The following SYT14 variants were observed in gnomAD, a reference collection of about 807,000 sequenced individuals.
SYT14 encodes the protein synaptotagmin-14.
Under a neutral mutation model 74.2 loss-of-function variants are expected in SYT14, and 32 were observed. That is an observed-to-expected ratio of 0.43 (90% CI 0.33 to 0.58). SYT14 has a LOEUF of 0.58. SYT14 is among the 20% of genes least tolerant of loss of function. The pLI, the probability that SYT14 is intolerant of heterozygous loss-of-function variation, is 0.05. For synonymous variants in SYT14, 298 were observed against 337.7 expected (o/e 0.88, Z 1.29); for missense variants, 791 against 981.8 (o/e 0.81, Z 2.60).
At chr1:209,944,121 A>C (rs919248373) in intron 1 of SYT14, among the ~76,000 whole-genome samples, 13 of 152,214 alleles carry the variant, frequency 8.5e-5, no homozygotes, top group Non-Finnish European at 1.9e-4. Context: ...ATATTAAATT[A>C]TCTTCAGTAT....
At chr1:210,129,367 C>T (rs533583396) in intron 7 of SYT14, among the ~76,000 whole-genome samples, 12 of 152,298 alleles carry the variant, frequency 7.9e-5, no homozygotes, top group African/African-American at 2.9e-4. Context: ...CTTGAAACTC[C>T]TTGTGTCTCA....
intron 4 of SYT14, among the ~76,000 whole-genome samples, chr1:210,018,656 C>G (rs1354231348): frequency 6.6e-6 from 1 of 152,112 alleles, no homozygotes; most frequent in African/African-American, 2.4e-5. Context: ...AAGAAGCATG[C>G]TAGTACCTAA....
At chr1:210,084,024 A>C (rs866382841) in intron 5 of SYT14, among the ~76,000 whole-genome samples, 7 of 152,112 alleles carry the variant, frequency 4.6e-5, no homozygotes, top group Non-Finnish European at 1.0e-4. Context: ...ATTTTTGAAA[A>C]TCTATAGGCC....
chr1:209,982,468 G>T (rs562963668), intron 2 of SYT14, among the ~76,000 whole-genome samples: 1 of 152,158 alleles, frequency 6.6e-6, no homozygotes, highest in African/African-American at 2.4e-5. Context: ...CTTTGCTTTT[G>T]TGTGACTGGG....
At chr1:210,160,905 A>G in exon 10 of SYT14, 1 of 1,614,026 alleles carries the variant, frequency 6.2e-7, no homozygotes, top group Non-Finnish European at 8.5e-7. Context: ...CAAACGCAGC[A>G]TGAAAAGAAA....
At chr1:210,035,799 G>T (rs2080647993) in intron 5 of SYT14, among the ~76,000 whole-genome samples, 1 of 151,934 alleles carries the variant, frequency 6.6e-6, no homozygotes, top group African/African-American at 2.4e-5. Flanking sequence ...TGCTGTTTTG[G>T]TTATTATAGC....
chr1:210,028,987 T>C (rs1021380503), intron 5 of SYT14, among the ~76,000 whole-genome samples: 1 of 152,204 alleles, frequency 6.6e-6, no homozygotes, highest in Non-Finnish European at 1.5e-5. Flanking sequence ...TGAGGTGATA[T>C]CTTACTGTAG....
rs1299333837 is a variant in SYT14 at position 210,140,756 on chromosome 1, TC to T, written c.2035-14964del. On this transcript the variant is annotated intron_variant, in intron 7 of 9. Transcript: ENST00000637265. ...GTCCCAACAATTTGTTGAAAAAAAA[TC>T]TTTTTTTCATTTATTTGTGTTGGCA... Among the ~76,000 whole-genome samples the T allele has an allele frequency of 1.6e-4, 25 of 152,180 alleles. 1 individual carries two copies. The East Asian group carries it at 4.6e-3, about 28-fold the overall frequency.
At chr1:210,046,759 C>T (rs1377669516) in intron 5 of SYT14, among the ~76,000 whole-genome samples, 1 of 152,156 alleles carries the variant, frequency 6.6e-6, no homozygotes, top group Non-Finnish European at 1.5e-5. Context: ...ATCCACTTAA[C>T]CACTGATGAA....
At chr1:209,962,887 TTTC>T (rs1183501988) in intron 2 of SYT14, among the ~76,000 whole-genome samples, 2 of 152,080 alleles carry the variant, frequency 1.3e-5, no homozygotes, top group African/African-American at 4.8e-5. Flanking sequence ...AAAGTGTCAT[TTTC>T]TTCTTCCCTT....
intron 2 of SYT14, among the ~76,000 whole-genome samples, chr1:209,969,738 C>A (rs1470682889): frequency 6.6e-6 from 1 of 152,074 alleles, no homozygotes; most frequent in East Asian, 1.9e-4. Context: ...CTTGGCCTCC[C>A]AAAGTACTGG....
chr1:210,040,681 C>T (rs1483428934), intron 5 of SYT14, among the ~76,000 whole-genome samples: 2 of 152,036 alleles, frequency 1.3e-5, no homozygotes, highest in African/African-American at 4.8e-5. Flanking sequence ...AGAATTAATT[C>T]TATGTCTTTA....
At chr1:210,084,967 T>C (rs2081692979) in intron 5 of SYT14, among the ~76,000 whole-genome samples, 1 of 152,242 alleles carries the variant, frequency 6.6e-6, no homozygotes, top group African/African-American at 2.4e-5. Flanking sequence ...GCCGTGTTAC[T>C]GGAGAAAGGA....
intron 7 of SYT14, among the ~76,000 whole-genome samples, chr1:210,144,870 A>T (rs2082997742): frequency 6.6e-6 from 1 of 152,180 alleles, no homozygotes; most frequent in Non-Finnish European, 1.5e-5. Context: ...TGACCAATTT[A>T]AAAAGCTCAC....
intron 2 of SYT14, among the ~76,000 whole-genome samples, chr1:209,972,053 C>G (rs780062330): frequency 6.6e-6 from 1 of 151,958 alleles, no homozygotes; most frequent in Non-Finnish European, 1.5e-5. Flanking sequence ...ATTATTGATT[C>G]AATTTTGGAA....
intron 6 of SYT14, among the ~76,000 whole-genome samples, 167 bp from the exon 6 acceptor site, chr1:210,099,845 G>A (rs1473911265): frequency 3.3e-5 from 5 of 151,980 alleles, no homozygotes; most frequent in East Asian, 1.9e-4. Flanking sequence ...TACTAATCTC[G>A]CTCTATAGGG....
chr1:210,006,736 T>C (rs912394664), intron 2 of SYT14, among the ~76,000 whole-genome samples: 7 of 151,932 alleles, frequency 4.6e-5, no homozygotes, highest in Admixed American at 2.6e-4. Context: ...ATTTAAGATA[T>C]AATGAATAGA....
chr1:210,033,002 AC>A (rs2080576247), intron 5 of SYT14, among the ~76,000 whole-genome samples: 2 of 151,648 alleles, frequency 1.3e-5, no homozygotes, highest in Admixed American at 6.6e-5. Context: ...CTTTCCAGTT[AC>A]TGCTGTCGTA....
intron 7 of SYT14, among the ~76,000 whole-genome samples, chr1:210,149,258 C>T (rs1172166218): frequency 6.9e-6 from 1 of 145,450 alleles, no homozygotes; most frequent in Non-Finnish European, 1.5e-5. Context: ...GATGTCGGCT[C>T]ACTGCAACCT....
Sources: allele counts gnomAD v4.1 joint callset (sites outside exome capture counted in the v4.1 genomes callset), GRCh38; gene constraint gnomAD v4.1.1; transcripts MANE v1.5; gene names NCBI Gene and HGNC (gene_info 2026-07-23, HGNC 2026-07-21).